TP63: variants seen among roughly 807,000 people sequenced by gnomAD.
TP63 encodes tumor protein p63, also known as tumor protein 63.
In TP63, 17 loss-of-function variants were observed where a neutral mutation model predicts 82.8. The ratio of observed to expected loss-of-function variants is 0.21; its 90% CI spans 0.14 to 0.31. TP63 has a LOEUF of 0.31. TP63 is among the 10% of genes least tolerant of loss of function. TP63 has a pLI of 1.00. For missense variants in TP63, 648 were observed against 895.3 expected (o/e 0.72, Z 3.52); for synonymous variants, 330 against 321.7 (o/e 1.03, Z -0.28).
intron 1 of TP63, among the ~76,000 whole-genome samples, chr3:189,687,585 A>G (rs7644839): frequency 0.96 from 146,478 of 152,264 alleles, 70,525 homozygotes; most frequent in East Asian, 0.99. Context: ...GGCTGCTACA[A>G]AAAACAGTGA....
chr3:189,709,438 C>T (rs79418982), intron 1 of TP63, among the ~76,000 whole-genome samples: 2,201 of 151,944 alleles, frequency 0.014, 48 homozygotes, highest in African/African-American at 0.051. Flanking sequence ...TTTATTTTTC[C>T]ACTATGGAGC....
chr3:189,826,407 T>C (rs917721929), intron 4 of TP63, among the ~76,000 whole-genome samples: 1 of 152,206 alleles, frequency 6.6e-6, no homozygotes, highest in African/African-American at 2.4e-5. Context: ...ACAATGAGTC[T>C]CTCTAGGAAG....
At chr3:189,838,013 C>T (rs1055877557) in intron 4 of TP63, among the ~76,000 whole-genome samples, 5 of 152,190 alleles carry the variant, frequency 3.3e-5, no homozygotes, top group Non-Finnish European at 7.3e-5. Flanking sequence ...CCATTCCCAG[C>T]TCAATCACCA....
chr3:189,778,440 A>C (rs1356215638), intron 3 of TP63, among the ~76,000 whole-genome samples: 1 of 152,058 alleles, frequency 6.6e-6, no homozygotes, highest in African/African-American at 2.4e-5. Context: ...AGGATGAAAA[A>C]CTCAAATGTG....
intron 4 of TP63, among the ~76,000 whole-genome samples, chr3:189,823,856 G>A (rs1729052913): frequency 2.0e-5 from 3 of 152,256 alleles, no homozygotes; most frequent in Admixed American, 6.5e-5. Context: ...TCGGATAGAG[G>A]CAGCAGGTAT....
chr3:189,828,051 G>A (rs1032321671), intron 4 of TP63, among the ~76,000 whole-genome samples: 2 of 152,208 alleles, frequency 1.3e-5, no homozygotes, highest in African/African-American at 4.8e-5. Context: ...GACCAGCCTG[G>A]CTGATATGAT....
At chr3:189,831,873 A>G (rs1258300931) in intron 4 of TP63, among the ~76,000 whole-genome samples, 2 of 112,688 alleles carry the variant, frequency 1.8e-5, no homozygotes, top group Non-Finnish European at 3.3e-5. Flanking sequence ...TCTGTCACCC[A>G]GGCTGGAGGG....
intron 3 of TP63, among the ~76,000 whole-genome samples, chr3:189,803,422 G>A (rs987760882): frequency 6.6e-6 from 1 of 152,146 alleles, no homozygotes; most frequent in Admixed American, 6.6e-5. Context: ...TCTTTTTGAT[G>A]TTAAATACTT....
At chr3:189,840,359 C>CTTTTTTTTTTTTTTTTTTTTTTTTTTCTT (rs1713831886) in intron 4 of TP63, among the ~76,000 whole-genome samples, 3 of 44,446 alleles carry the variant, frequency 6.7e-5, no homozygotes, top group Non-Finnish European at 1.2e-4. Flanking sequence ...TGCTTTTCGT[C>CTTTTTTTTTTTTTTTTTTTTTTTTTTCTT]TTTTTTTTTT....
chr3:189,641,816 C>CA (rs1711908157), intron 1 of TP63, among the ~76,000 whole-genome samples: 1 of 152,150 alleles, frequency 6.6e-6, no homozygotes. Context: ...TCAATCTAAA[C>CA]AAGGTATGTA....
intron 1 of TP63, among the ~76,000 whole-genome samples, chr3:189,655,632 A>G (rs1217421863): frequency 6.6e-6 from 1 of 152,164 alleles, no homozygotes; most frequent in African/African-American, 2.4e-5. Context: ...AAAAAAAAAG[A>G]AAAAATAAAA....
At chr3:189,864,128 CAGCTCTAA>C in intron 4 of TP63, 96 bp from the exon 5 acceptor site, 1 of 1,439,104 alleles carries the variant, frequency 6.9e-7, no homozygotes, top group Non-Finnish European at 9.8e-7. Context: ...AGGCAGCATG[CAGCTCTAA>C]AAAGTGGACA....
At chr3:189,764,118 G>A (rs958218332) in intron 3 of TP63, among the ~76,000 whole-genome samples, 2 of 152,118 alleles carry the variant, frequency 1.3e-5, no homozygotes, top group Non-Finnish European at 2.9e-5. Flanking sequence ...AAAGAGGTGG[G>A]TGTCTTGGGA....
At chr3:189,703,428 A>ATAGATAGATAGATAGATAGG in intron 1 of TP63, among the ~76,000 whole-genome samples, 1 of 3,010 alleles carries the variant, frequency 3.3e-4, no homozygotes, top group South Asian at 5.1e-3. Context: ...CCTGTCTAAA[A>ATAGATAGATAGATAGATAGG]TAGATAGATA....
chr3:189,846,682 CTTTTTT>C (rs1204688713), intron 4 of TP63, among the ~76,000 whole-genome samples: 2 of 70,628 alleles, frequency 2.8e-5, no homozygotes, highest in South Asian at 6.7e-4. Context: ...TTTCCACATT[CTTTTTT>C]TTTTTTTTTT....
At chr3:189,773,915 C>CTTTT (rs57761830) in intron 3 of TP63, among the ~76,000 whole-genome samples, 29 of 72,918 alleles carry the variant, frequency 4.0e-4, no homozygotes, top group Non-Finnish European at 4.8e-4. Context: ...TGTCTCGTGC[C>CTTTT]TTTTTTTTTT....
intron 10 of TP63, among the ~76,000 whole-genome samples, chr3:189,875,603 T>C (rs989933193): frequency 1.5e-3 from 53 of 35,152 alleles, no homozygotes; most frequent in East Asian, 7.8e-3. Flanking sequence ...CATATATATA[T>C]ATATATATAT....
chr3:189,836,699 T>C (rs944669162), intron 4 of TP63, among the ~76,000 whole-genome samples: 2 of 152,300 alleles, frequency 1.3e-5, no homozygotes, highest in African/African-American at 4.8e-5. Flanking sequence ...CTAGACATTT[T>C]CTTTTCCTAC....
intron 1 of TP63, among the ~76,000 whole-genome samples, chr3:189,725,221 G>A (rs1452669906): frequency 6.6e-6 from 1 of 152,000 alleles, no homozygotes; most frequent in Non-Finnish European, 1.5e-5. Flanking sequence ...AACAGACATA[G>A]TATATATAAT....
Sources: allele counts gnomAD v4.1 joint callset (sites outside exome capture counted in the v4.1 genomes callset), GRCh38; gene constraint gnomAD v4.1.1; transcripts MANE v1.5; gene names NCBI Gene and HGNC (gene_info 2026-07-23, HGNC 2026-07-21).